Variants in PTPRK observed in about 807,000 individuals in gnomAD.
PTPRK encodes receptor-type tyrosine-protein phosphatase kappa.
In PTPRK, 75 loss-of-function variants were observed where a neutral mutation model predicts 178.0. The ratio of observed to expected loss-of-function variants is 0.42; its 90% CI spans 0.35 to 0.51. The LOEUF (loss-of-function observed/expected upper bound fraction) is 0.51. PTPRK is among the 20% of genes least tolerant of loss of function. The pLI, the probability that PTPRK is intolerant of heterozygous loss-of-function variation, is 0.02. For missense variants in PTPRK, 1,441 were observed against 1,797.8 expected, an observed-to-expected ratio of 0.80 and a Z score of 3.59; for synonymous variants, 637 against 620.6, an observed-to-expected ratio of 1.03 and a Z score of -0.39.
At position 128,222,818 on chromosome 6, in the gene PTPRK, C is replaced by T. The variant is rs897334263; in HGVS notation, c.694-3722G>A. 1.1e-4 allele frequency among the ~76,000 whole-genome samples: 16 copies of T among 152,246 alleles called. No homozygotes were observed. In the South Asian group the frequency reaches 2.7e-3, roughly 26 times the overall value. ...TAAAACTACTGACATTTGCAGAAAT[C>T]GGTCATTTGTTCTTATGAAAAATGT... On this transcript the variant is annotated intron_variant, in intron 5 of 29. Coordinates refer to ENST00000368226, the MANE Select transcript of PTPRK (RefSeq NM_002844.4).
chr6:128,398,412 G>C (rs1353812317), intron 1 of PTPRK, among the ~76,000 whole-genome samples: 1 of 152,078 alleles, frequency 6.6e-6, no homozygotes, highest in Non-Finnish European at 1.5e-5. Context: ...GTTCTAGGAC[G>C]TCAGGTGAAT....
At chr6:128,369,655 A>C (rs1376351074) in intron 2 of PTPRK, among the ~76,000 whole-genome samples, 1 of 152,180 alleles carries the variant, frequency 6.6e-6, no homozygotes, top group Non-Finnish European at 1.5e-5. Context: ...GAGAAGCTGA[A>C]TAGATTATGA....
intron 3 of PTPRK, among the ~76,000 whole-genome samples, chr6:128,267,870 T>C (rs922144090): frequency 4.6e-5 from 7 of 152,104 alleles, no homozygotes; most frequent in Non-Finnish European, 1.0e-4. Context: ...ATAAGTTTTA[T>C]TGGGAAAGGC....
intron 3 of PTPRK, among the ~76,000 whole-genome samples, chr6:128,279,806 G>A (rs767120108): frequency 2.0e-5 from 3 of 152,084 alleles, no homozygotes; most frequent in African/African-American, 7.2e-5. Context: ...GAAAGTATTC[G>A]TGGATCACAG....
intron 2 of PTPRK, among the ~76,000 whole-genome samples, chr6:128,365,999 T>G (rs1022687517): frequency 2.0e-5 from 3 of 152,124 alleles, no homozygotes; most frequent in African/African-American, 7.2e-5. Flanking sequence ...CCAGATTTCC[T>G]CTAAGTTCAG....
chr6:128,182,866 T>C (rs1046243112), intron 7 of PTPRK, among the ~76,000 whole-genome samples: 1 of 152,228 alleles, frequency 6.6e-6, no homozygotes, highest in African/African-American at 2.4e-5. Flanking sequence ...ATATTAACAA[T>C]ACACTGTGTG....
chr6:128,464,803 A>C (rs1283160601), intron 1 of PTPRK, among the ~76,000 whole-genome samples: 1 of 149,676 alleles, frequency 6.7e-6, no homozygotes, highest in Admixed American at 6.7e-5. Flanking sequence ...ATTTTTTTTT[A>C]ATTTAGAAGA....
At chr6:128,404,338 C>A (rs1324973667) in intron 1 of PTPRK, among the ~76,000 whole-genome samples, 1 of 152,222 alleles carries the variant, frequency 6.6e-6, no homozygotes, top group Non-Finnish European at 1.5e-5. Context: ...ATGCTTCAAG[C>A]TTGTAAGACC....
At chr6:128,504,481 AC>A (rs1856038785) in intron 1 of PTPRK, among the ~76,000 whole-genome samples, 1 of 152,188 alleles carries the variant, frequency 6.6e-6, no homozygotes, top group Non-Finnish European at 1.5e-5. Context: ...ACAGTAAGTA[AC>A]TAAGAACTTC....
At chr6:128,284,467 TTCTC>T (rs1179823281) in intron 3 of PTPRK, among the ~76,000 whole-genome samples, 1 of 152,196 alleles carries the variant, frequency 6.6e-6, no homozygotes, top group African/African-American at 2.4e-5. Flanking sequence ...AGGACAGAAA[TTCTC>T]TCTTCTACAA....
chr6:128,443,201 G>A (rs139965827), intron 1 of PTPRK, among the ~76,000 whole-genome samples: 9 of 152,216 alleles, frequency 5.9e-5, no homozygotes, highest in South Asian at 2.1e-4. Flanking sequence ...TCAGTACACC[G>A]TCTTTAAATA....
intron 17 of PTPRK, among the ~76,000 whole-genome samples, chr6:127,995,768 G>A (rs1161682478): frequency 6.6e-6 from 1 of 152,018 alleles, no homozygotes; most frequent in Non-Finnish European, 1.5e-5. Flanking sequence ...TTAGTGTTTA[G>A]GAGACATGAA....
At chr6:128,050,267 G>A (rs1437614350) in intron 13 of PTPRK, among the ~76,000 whole-genome samples, 2 of 152,200 alleles carry the variant, frequency 1.3e-5, no homozygotes, top group Admixed American at 6.5e-5. Context: ...TTGTACAAGT[G>A]ACTCTCTAGT....
At chr6:128,173,128 A>G (rs1800550497) in intron 7 of PTPRK, among the ~76,000 whole-genome samples, 1 of 152,056 alleles carries the variant, frequency 6.6e-6, no homozygotes, top group East Asian at 1.9e-4. Context: ...TTCTGCCCTT[A>G]GCATAATGCT....
intron 3 of PTPRK, among the ~76,000 whole-genome samples, chr6:128,268,106 G>A (rs1295351210): frequency 6.6e-6 from 1 of 151,966 alleles, no homozygotes; most frequent in Admixed American, 6.6e-5. Context: ...TGGCGGTGGG[G>A]AAGGCTGAAA....
At chr6:128,461,231 C>CGTGTGTGTGT (rs144928884) in intron 1 of PTPRK, among the ~76,000 whole-genome samples, 4,486 of 147,038 alleles carry the variant, frequency 0.031, 87 homozygotes, top group African/African-American at 0.051. Context: ...TTTGTTATTC[C>CGTGTGTGTGT]GTGTGTGTGT....
rs572335786 is a variant in PTPRK at position 128,018,796 on chromosome 6, G to C, written c.2195-9528C>G. On this transcript the variant is annotated intron_variant, in intron 13 of 29. Coordinates refer to ENST00000368226, the MANE Select transcript of PTPRK (RefSeq NM_002844.4). ...TAAATATTATAGCATCACAGAAGCAGCATTAGATGGAGGGAAGTCTACTTT... is the reference window on the plus strand; with the variant it reads ...TAAATATTATAGCATCACAGAAGCACCATTAGATGGAGGGAAGTCTACTTT... 9.2e-5 allele frequency among the ~76,000 whole-genome samples: 14 copies of C among 152,126 alleles called. No homozygotes were observed. In the South Asian group the frequency reaches 2.9e-3, roughly 32 times the overall value.
intron 21 of PTPRK, 60 bp from the exon 22 acceptor site, chr6:127,985,935 T>G: frequency 5.2e-6 from 8 of 1,541,324 alleles, no homozygotes; most frequent in Non-Finnish European, 7.1e-6. Context: ...AATAAAGCCA[T>G]TAAACACAAT....
intron 9 of PTPRK, among the ~76,000 whole-genome samples, chr6:128,082,843 C>T (rs1332529612): frequency 6.6e-6 from 1 of 151,876 alleles, no homozygotes; most frequent in African/African-American, 2.4e-5. Context: ...TCTACAGATA[C>T]ACCGGAGTTA....
Sources: allele counts gnomAD v4.1 joint callset (sites outside exome capture counted in the v4.1 genomes callset), GRCh38; gene constraint gnomAD v4.1.1; transcripts MANE v1.5; gene names NCBI Gene and HGNC (gene_info 2026-07-23, HGNC 2026-07-21).